The following PIP5K1B variants were observed in gnomAD, a reference collection of about 807,000 sequenced individuals.
The protein encoded by PIP5K1B is phosphatidylinositol-4-phosphate 5-kinase type 1 beta.
In PIP5K1B, 42 loss-of-function variants were observed where a neutral mutation model predicts 67.0. That is an observed-to-expected ratio of 0.63 (90% CI 0.49 to 0.81). The LOEUF is 0.81. PIP5K1B is among the 30% of genes least tolerant of loss of function. The pLI, the probability that PIP5K1B is intolerant of heterozygous loss-of-function variation, is 0.00. For missense variants in PIP5K1B, 459 were observed against 646.3 expected (o/e 0.71, Z 3.14); for synonymous variants, 214 against 231.4 (o/e 0.92, Z 0.68).
intron 1 of PIP5K1B, among the ~76,000 whole-genome samples, chr9:68,715,959 T>C (rs1827616461): frequency 6.6e-6 from 1 of 152,196 alleles, no homozygotes; most frequent in South Asian, 2.1e-4. Flanking sequence ...CCTGAGATAC[T>C]AGTGTCTTTG....
chr9:68,932,251 C>T (rs1407149691), intron 12 of PIP5K1B, among the ~76,000 whole-genome samples: 1 of 152,126 alleles, frequency 6.6e-6, no homozygotes, highest in African/African-American at 2.4e-5. Flanking sequence ...AGAGAAATAA[C>T]ATTGACCTAA....
Position 69,008,646 on chromosome 9 carries a change from A to G in PIP5K1B, c.*197A>G, listed in dbSNP as rs1831197723. 3.3e-6 allele frequency: 2 copies of G among 603,162 alleles called. No homozygotes were observed. Among genetic ancestry groups the G allele is most frequent in the South Asian group, 1.9e-5 (1 of 53,214 alleles). 37.4% of individuals were successfully genotyped at this position (603,162 alleles called of 1,614,324 possible). ...GATGGGATGTGAAAAATACTACCCT[A>G]TTCTATCATTTGCTGTTGCTTGCTG... is the stretch of plus-strand genomic sequence containing the variant. On this transcript the variant is annotated 3_prime_UTR_variant, in exon 16 of 16. Transcript: ENST00000265382.
intron 1 of PIP5K1B, chr9:68,728,687 G>A (rs1372606528): frequency 6.6e-6 from 1 of 152,158 alleles, no homozygotes; most frequent in Non-Finnish European, 1.5e-5. Flanking sequence ...GCTGAGAGAA[G>A]TAGCAGAAGG....
At chr9:68,914,581 G>T (rs1826006086) in intron 8 of PIP5K1B, among the ~76,000 whole-genome samples, 1 of 152,112 alleles carries the variant, frequency 6.6e-6, no homozygotes, top group African/African-American at 2.4e-5. Context: ...AAGGCGTGGT[G>T]GCAGGCGCCT....
Position 68,878,574 on chromosome 9 carries a change from A to G in PIP5K1B, c.318+1780A>G, listed in dbSNP as rs1052533714. On this transcript the variant is annotated intron_variant, in intron 6 of 15. Transcript: ENST00000265382. The stretch of plus-strand genomic sequence containing the variant: ...TACCTAGCAAAAGGTAAATTAATCA[A>G]TCAGTGGACACTTTGAACACCAATT... 3.9e-5 allele frequency among the ~76,000 whole-genome samples: 6 copies of G among 152,350 alleles called. No homozygotes were observed. In the East Asian group the frequency reaches 9.6e-4, roughly 24 times the overall value.
chr9:68,913,427 G>A (rs1825945848), intron 8 of PIP5K1B, among the ~76,000 whole-genome samples: 1 of 152,180 alleles, frequency 6.6e-6, no homozygotes, highest in African/African-American at 2.4e-5. Flanking sequence ...GCTCACACAT[G>A]TTAAGTTGTT....
chr9:68,799,457 A>G (rs1321518455), intron 2 of PIP5K1B, among the ~76,000 whole-genome samples: 2 of 152,344 alleles, frequency 1.3e-5, no homozygotes, highest in South Asian at 2.1e-4. Context: ...AAAGAAGAGC[A>G]AAGTTGAAGG....
intron 4 of PIP5K1B, 30 bp downstream of exon 4, chr9:68,822,713 A>T (rs367812543): frequency 1.1e-4 from 161 of 1,499,734 alleles, no homozygotes; most frequent in Non-Finnish European, 1.4e-4. Context: ...TCTAAAGAGG[A>T]ACACCGTTTT....
chr9:68,706,211 C>G (rs1236539584), intron 1 of PIP5K1B: 2 of 152,314 alleles, frequency 1.3e-5, no homozygotes, highest in South Asian at 2.1e-4. Flanking sequence ...GCGCTGGTGC[C>G]GGATTGAACA....
chr9:68,889,472 C>A (rs981875499), intron 7 of PIP5K1B, among the ~76,000 whole-genome samples: 1 of 152,086 alleles, frequency 6.6e-6, no homozygotes, highest in Non-Finnish European at 1.5e-5. Context: ...TGGTGGCTCA[C>A]GCCTGTAATC....
At chr9:68,912,235 T>C (rs1219837632) in intron 8 of PIP5K1B, among the ~76,000 whole-genome samples, 1 of 152,216 alleles carries the variant, frequency 6.6e-6, no homozygotes, top group Non-Finnish European at 1.5e-5. Context: ...TATGGAATAA[T>C]TATCTGTTGT....
At chr9:68,711,800 T>C (rs1049394565) in intron 1 of PIP5K1B, among the ~76,000 whole-genome samples, 7 of 152,206 alleles carry the variant, frequency 4.6e-5, no homozygotes, top group African/African-American at 1.7e-4. Context: ...CTGTTTTTAT[T>C]TGAAAGTATT....
intron 4 of PIP5K1B, among the ~76,000 whole-genome samples, chr9:68,852,914 GT>G (rs59497845): frequency 0.41 from 62,533 of 151,458 alleles, 13,023 homozygotes; most frequent in South Asian, 0.45. Context: ...TTAGGGGTGT[GT>G]TTTTTTTTAT....
chr9:68,717,035 G>T (rs1827667668), intron 1 of PIP5K1B, among the ~76,000 whole-genome samples: 1 of 152,068 alleles, frequency 6.6e-6, no homozygotes, highest in East Asian at 1.9e-4. Flanking sequence ...CTAACCATTG[G>T]GTACACATGG....
intron 4 of PIP5K1B, among the ~76,000 whole-genome samples, chr9:68,851,318 G>A (rs1822471733): frequency 6.6e-6 from 1 of 152,212 alleles, no homozygotes. Flanking sequence ...GTGGATCTGT[G>A]TTGGGCTTCT....
At chr9:68,965,847 AC>A (rs1828996519) in intron 14 of PIP5K1B, among the ~76,000 whole-genome samples, 1 of 151,790 alleles carries the variant, frequency 6.6e-6, no homozygotes. Flanking sequence ...CCTGGCACAT[AC>A]CTGTAATACC....
chr9:68,765,986 A>C (rs1369890169), intron 2 of PIP5K1B, among the ~76,000 whole-genome samples: 1 of 152,214 alleles, frequency 6.6e-6, no homozygotes, highest in African/African-American at 2.4e-5. Flanking sequence ...TATTCATGAT[A>C]GCATTGTTTC....
At chr9:68,934,561 G>A (rs184305815) in intron 12 of PIP5K1B, among the ~76,000 whole-genome samples, 276 of 152,216 alleles carry the variant, frequency 1.8e-3, no homozygotes, top group Non-Finnish European at 1.8e-3. Context: ...TGTTTGGAGA[G>A]GGGGGAATGA....
At position 68,850,558 on chromosome 9, in the gene PIP5K1B, A is replaced by G. The variant is rs141011240; in HGVS notation, c.70-13279A>G. 2.9e-3 allele frequency among the ~76,000 whole-genome samples: 440 copies of G among 152,354 alleles called. 1 individual carries two copies. Among genetic ancestry groups the G allele is most frequent in the African/African-American group, 1.0e-2 (415 of 41,592 alleles). On this transcript the variant is annotated intron_variant, in intron 4 of 15. Transcript: ENST00000265382. ...GCCTCTTGAAGAACAACTGCTAAGT[A>G]AGAAGAGAATAGATGCTGCAGACAA...
Sources: allele counts gnomAD v4.1 joint callset (sites outside exome capture counted in the v4.1 genomes callset), GRCh38; gene constraint gnomAD v4.1.1; transcripts MANE v1.5; gene names NCBI Gene and HGNC (gene_info 2026-07-23, HGNC 2026-07-21).